SGK3: variants seen among roughly 807,000 people sequenced by gnomAD.
SGK3 encodes the protein serum/glucocorticoid regulated kinase family member 3, also known as serine/threonine-protein kinase Sgk3.
Under a neutral mutation model 68.5 loss-of-function variants are expected in SGK3, and 47 were observed. The observed-to-expected ratio is 0.69, with a 90% CI of 0.54 to 0.87. The LOEUF is 0.87. Ranked by LOEUF, SGK3 falls within the 40% of genes least tolerant of loss-of-function variation. The pLI is 0.00. For synonymous variants in SGK3, 181 were observed against 189.1 expected (o/e 0.96, Z 0.35); for missense variants, 479 against 575.5 (o/e 0.83, Z 1.72).
rs148069668 is a variant in SGK3, at chr8:66,829,074, G to A, written c.467+371G>A. On this transcript the variant is annotated intron_variant, in intron 7 of 16. Coordinates refer to ENST00000521198, the MANE Select transcript of SGK3 (RefSeq NM_001033578.3). ...CCTCTGAAAAAAAGCACCCTTGCAGGCCTAATTGACATTCTGCTGGTGTTT... is the reference window on the plus strand; with the variant it reads ...CCTCTGAAAAAAAGCACCCTTGCAGACCTAATTGACATTCTGCTGGTGTTT... Among the ~76,000 whole-genome samples, 171 of 151,776 alleles carry A rather than the reference G, an allele frequency of 1.1e-3. 1 individual carries two copies. Among genetic ancestry groups the A allele is most frequent in the African/African-American group, 3.8e-3 (157 of 41,398 alleles).
At chr8:66,750,243 TA>T (rs1457975472) in intron 1 of SGK3, among the ~76,000 whole-genome samples, 2 of 152,146 alleles carry the variant, frequency 1.3e-5, no homozygotes, top group African/African-American at 2.4e-5. Context: ...GGAAATGTTT[TA>T]CAAATAAAAT....
chr8:66,720,751 CAA>C (rs1342856521), intron 1 of SGK3, among the ~76,000 whole-genome samples: 1 of 149,414 alleles, frequency 6.7e-6, no homozygotes, highest in Non-Finnish European at 1.5e-5. Flanking sequence ...GCCTGGGTGA[CAA>C]GAGCAAAACT....
chr8:66,767,575 A>T, intron 1 of SGK3: 1 of 1,429,532 alleles, frequency 7.0e-7, no homozygotes, highest in Non-Finnish European at 9.9e-7. Context: ...CATGAGAGGC[A>T]CTTCACTCAA....
At chr8:66,727,862 G>A (rs991810709) in intron 1 of SGK3, among the ~76,000 whole-genome samples, 1 of 152,134 alleles carries the variant, frequency 6.6e-6, no homozygotes, top group African/African-American at 2.4e-5. Flanking sequence ...TGAGAAAGAC[G>A]CTGAGAAAAT....
chr8:66,750,961 C>T (rs1470230508), intron 1 of SGK3, among the ~76,000 whole-genome samples: 4 of 150,982 alleles, frequency 2.6e-5, no homozygotes, highest in Non-Finnish European at 2.9e-5. Flanking sequence ...GAGCCAAGAT[C>T]GCGCCACTGC....
intron 8 of SGK3, among the ~76,000 whole-genome samples, chr8:66,831,873 C>G (rs985850859): frequency 6.6e-6 from 1 of 151,338 alleles, no homozygotes; most frequent in Non-Finnish European, 1.5e-5. Flanking sequence ...CTTCTGGGCC[C>G]TGGTTAGAAA....
chr8:66,840,444 G>A (rs1420916899), intron 12 of SGK3, among the ~76,000 whole-genome samples, 197 bp downstream of exon 12: 3 of 152,044 alleles, frequency 2.0e-5, no homozygotes, highest in African/African-American at 4.8e-5. Context: ...AAGATAAAGG[G>A]GTAGCATTAG....
chr8:66,732,066 G>A (rs954278381), intron 1 of SGK3, among the ~76,000 whole-genome samples: 3 of 152,150 alleles, frequency 2.0e-5, no homozygotes, highest in African/African-American at 7.2e-5. Flanking sequence ...GTGACAGAAT[G>A]TGCTCCATCT....
chr8:66,840,552 C>T (rs2130723789), intron 12 of SGK3: 2 of 286,386 alleles, frequency 7.0e-6, no homozygotes. Flanking sequence ...GAAAACTGAA[C>T]AAGGTTGACA....
At chr8:66,744,720 G>T (rs1805599571) in intron 1 of SGK3, among the ~76,000 whole-genome samples, 1 of 150,074 alleles carries the variant, frequency 6.7e-6, no homozygotes, top group Non-Finnish European at 1.5e-5. Flanking sequence ...TGGCCAGGCT[G>T]GTCTTGTACC....
intron 1 of SGK3, among the ~76,000 whole-genome samples, chr8:66,769,519 C>T (rs755025867): frequency 1.4e-4 from 22 of 152,196 alleles, no homozygotes; most frequent in African/African-American, 2.9e-4. Context: ...TCACCGCACC[C>T]GGCCTTAATT....
Position 66,723,116 on chromosome 8 carries a change from TATATATATATATA to T in SGK3, c.-122+10284_-122+10296del, listed in dbSNP as rs1324296401. Among the ~76,000 whole-genome samples, 117 of 52,312 alleles carry T rather than the reference TATATATATATATA, an allele frequency of 2.2e-3. 1 individual carries two copies. Among genetic ancestry groups the T allele is most frequent in the African/African-American group, 6.6e-3 (83 of 12,574 alleles). 34.3% of individuals were successfully genotyped at this position (52,312 alleles called of 152,430 possible). A position where few individuals can be genotyped will look rare whatever the true frequency, so the allele number is the denominator to read the frequency against. On this transcript the variant is annotated intron_variant, in intron 1 of 16. Transcript: ENST00000521198. ...ATATATATATATATATATATATATA[TATATATATATATA>T]TATTTTTTTTTTTTTTTTTTTTTGT...
intron 1 of SGK3, among the ~76,000 whole-genome samples, chr8:66,735,966 CA>C (rs1805305513): frequency 6.6e-6 from 1 of 152,114 alleles, no homozygotes; most frequent in South Asian, 2.1e-4. Context: ...AAGATGGTAA[CA>C]AATGGAATGA....
At chr8:66,713,959 G>C (rs925037301) in intron 1 of SGK3, among the ~76,000 whole-genome samples, 2 of 152,134 alleles carry the variant, frequency 1.3e-5, no homozygotes, top group Admixed American at 1.3e-4. Context: ...CTGGGAATGC[G>C]ACCTGTTCAA....
chr8:66,798,565 G>A lies in SGK3; in HGVS notation c.120G>A (p.Val40=). The change falls in exon 3 of 17, where the codon GTG becomes GTA. Residue 40 remains valine (V), a synonymous_variant. Coordinates refer to ENST00000521198, the MANE Select transcript of SGK3 (RefSeq NM_001033578.3). ...AGGTTTATAAAGTTCTGGTTTCAGT[G>A]GGAAGAAGTGAATGGTTTGTCTTCA... ...RFTVYKVLVS[V]GRSEWFVFRR... 6.2e-7 allele frequency: 1 copy of A among 1,610,906 alleles called. No individual in the cohort carries two copies. The highest frequency in any genetic ancestry group is 8.5e-7 in the Non-Finnish European group (1 of 1,178,264).
intron 1 of SGK3, among the ~76,000 whole-genome samples, chr8:66,776,229 G>C (rs1806708178): frequency 2.0e-5 from 3 of 152,164 alleles, no homozygotes; most frequent in Admixed American, 6.5e-5. Context: ...CATCCACCTT[G>C]TTCCAAATCC....
At chr8:66,824,112 A>G (rs958816880) in intron 6 of SGK3, among the ~76,000 whole-genome samples, 2 of 152,148 alleles carry the variant, frequency 1.3e-5, no homozygotes, top group African/African-American at 4.8e-5. Flanking sequence ...TCCTTCTCCA[A>G]TACCCCAAGA....
chr8:66,716,910 T>C (rs777001326), intron 1 of SGK3, among the ~76,000 whole-genome samples: 6 of 152,020 alleles, frequency 3.9e-5, no homozygotes, highest in Admixed American at 1.3e-4. Flanking sequence ...AATTAAAATG[T>C]AGAGGCCAGG....
chr8:66,770,206 G>A (rs1376858774), intron 1 of SGK3, among the ~76,000 whole-genome samples: 3 of 150,962 alleles, frequency 2.0e-5, no homozygotes, highest in African/African-American at 4.9e-5. Context: ...CGCCTGCCTC[G>A]GCCTCCCAAA....
Sources: gnomAD v4.1 joint callset for allele counts (sites outside exome capture counted in the v4.1 genomes callset) on GRCh38, gnomAD v4.1.1 for gene constraint, MANE v1.5 for transcripts, NCBI Gene and HGNC (gene_info 2026-07-23, HGNC 2026-07-21) for gene names.